Variants in STAM observed in about 807,000 individuals in gnomAD.
STAM encodes signal transducing adapter molecule 1.
A neutral mutation model predicts 63.4 loss-of-function variants in STAM; 16 were observed. The ratio of observed to expected loss-of-function variants is 0.25; its 90% CI spans 0.17 to 0.38. The LOEUF is 0.38. STAM is among the 10% of genes least tolerant of loss of function. The pLI, the probability that STAM is intolerant of heterozygous loss-of-function variation, is 1.00. For missense variants in STAM, 636 were observed against 657.1 expected (o/e 0.97, Z 0.35); for synonymous variants, 238 against 223.9 (o/e 1.06, Z -0.56).
In STAM at chr10:17,683,389, C is replaced by G. The variant is rs80183407; in HGVS notation, c.126-1286C>G. Among the ~76,000 whole-genome samples, 774 of 152,156 alleles carry G rather than the reference C, an allele frequency of 5.1e-3. 6 individuals carry two copies. Among genetic ancestry groups the G allele is most frequent in the African/African-American group, 0.018 (727 of 41,506 alleles). On this transcript the variant is annotated intron_variant, in intron 2 of 13. Transcript: ENST00000377524. ...GTTGCCCAGGCTGGTCCCAAACTTCCGGACTCAAGCCATCTGCCCACCTCG... is the reference window on the plus strand; with the variant it reads ...GTTGCCCAGGCTGGTCCCAAACTTCGGGACTCAAGCCATCTGCCCACCTCG...
intron 1 of STAM, among the ~76,000 whole-genome samples, chr10:17,652,587 G>A (rs1564527134): frequency 6.6e-6 from 1 of 151,954 alleles, no homozygotes; most frequent in Non-Finnish European, 1.5e-5. Flanking sequence ...GTTTTAATAT[G>A]CTTAGCTATT....
chr10:17,679,591 T>A (rs1306787868), intron 2 of STAM, among the ~76,000 whole-genome samples: 2 of 150,998 alleles, frequency 1.3e-5, no homozygotes, highest in African/African-American at 2.4e-5. Context: ...TTTTTTTTTT[T>A]AAATGAAGTG....
chr10:17,714,577 C>T lies in STAM; in HGVS notation c.1420C>T (p.Pro474Ser). The change falls in exon 14 of 14, where the codon CCC becomes TCC. Residue 474 changes from proline to serine, a missense_variant. This residue lies in a region of STAM where 532 missense variants were observed against 536.9 expected (regional missense o/e 0.99). Coordinates refer to ENST00000377524, the MANE Select transcript of STAM (RefSeq NM_003473.4). ...MVSSVQGNTY[P>S]SQAPVYSPPP... ...CAGTTCCGTTCAAGGAAACACATATCCCAGCCAGGCGCCAGTATATAGTCC... is the reference window on the plus strand; with the variant it reads ...CAGTTCCGTTCAAGGAAACACATATTCCAGCCAGGCGCCAGTATATAGTCC... 6.2e-7 allele frequency: 1 copy of T among 1,614,174 alleles called. No individual in the cohort carries two copies. The highest frequency in any genetic ancestry group is 8.5e-7 in the Non-Finnish European group (1 of 1,180,046).
At chr10:17,701,230 T>C (rs1334627063) in intron 9 of STAM, among the ~76,000 whole-genome samples, 1 of 152,114 alleles carries the variant, frequency 6.6e-6, no homozygotes, top group Non-Finnish European at 1.5e-5. Context: ...AAAGAAAAGA[T>C]TAAAACTGGC....
chr10:17,708,634 C>A, intron 12 of STAM, 142 bp from the exon 13 acceptor site: 2 of 817,080 alleles, frequency 2.4e-6, no homozygotes, highest in Non-Finnish European at 3.5e-6. Context: ...TTTCAAAATG[C>A]CCGTTGACAG....
intron 2 of STAM, among the ~76,000 whole-genome samples, chr10:17,681,852 A>C (rs1835099941): frequency 6.6e-6 from 1 of 152,188 alleles, no homozygotes; most frequent in Non-Finnish European, 1.5e-5. Flanking sequence ...ACACTGAATG[A>C]GTCCTTTGCT....
intron 6 of STAM, among the ~76,000 whole-genome samples, chr10:17,694,127 A>G (rs1835658824): frequency 6.6e-6 from 1 of 152,164 alleles, no homozygotes; most frequent in African/African-American, 2.4e-5. Context: ...AATGATATGT[A>G]CAAGTCTTTA....
At position 17,704,432 on chromosome 10, in the gene STAM, AT is replaced by A. The variant is rs782201817; in HGVS notation, c.915del (p.Asp305GlufsTer58). 6.2e-7 allele frequency: 1 copy of A among 1,613,778 alleles called. No homozygotes were observed. Among genetic ancestry groups the A allele is most frequent in the Non-Finnish European group, 8.5e-7 (1 of 1,179,754 alleles). The stretch of plus-strand genomic sequence containing the variant: ...ATATTAACTACTTAATTCCTGTAGG[AT>A]AAAATGGACCAGTTGCTACAGATGC... ...PEPEPAFIDE[D>X]KMDQLLQMLQ... On this transcript the variant is annotated frameshift_variant and splice_region_variant, in exon 10 of 14. Transcript: ENST00000377524. LOFTEE classifies it high-confidence loss of function.
At chr10:17,673,917 T>G (rs1554824365) in intron 2 of STAM, among the ~76,000 whole-genome samples, 2 of 152,206 alleles carry the variant, frequency 1.3e-5, no homozygotes, top group African/African-American at 4.8e-5. Flanking sequence ...TGTGGGGAGC[T>G]GTCAAGGGCC....
chr10:17,665,198 G>GA (rs756716913), intron 2 of STAM, among the ~76,000 whole-genome samples: 12 of 151,732 alleles, frequency 7.9e-5, no homozygotes, highest in Admixed American at 7.9e-4. Context: ...TCTTAAAAAG[G>GA]AAAAAACCAG....
At chr10:17,684,308 G>A (rs1835207095) in intron 2 of STAM, among the ~76,000 whole-genome samples, 1 of 152,174 alleles carries the variant, frequency 6.6e-6, no homozygotes, top group South Asian at 2.1e-4. Flanking sequence ...TAACCTCAGT[G>A]TGGAAAATCT....
At chr10:17,695,785 G>GT (rs757835164) in intron 7 of STAM, 4 of 152,168 alleles carry the variant, frequency 2.6e-5, no homozygotes, top group Non-Finnish European at 4.4e-5. Context: ...ATTTGCAGGT[G>GT]TTTTTTAAAA....
chr10:17,645,169 G>C (rs937641182), intron 1 of STAM, among the ~76,000 whole-genome samples: 4 of 151,984 alleles, frequency 2.6e-5, no homozygotes, highest in Non-Finnish European at 5.9e-5. Context: ...TAATAATTAT[G>C]GGAATTTGAG....
At chr10:17,696,366 A>G (rs1423542952) in intron 7 of STAM, among the ~76,000 whole-genome samples, 1 of 149,344 alleles carries the variant, frequency 6.7e-6, no homozygotes, top group Non-Finnish European at 1.5e-5. Flanking sequence ...CTGTTGGGAG[A>G]AAAAAAAAAC....
Position 17,682,381 on chromosome 10 carries a change from T to C in STAM, c.126-2294T>C, listed in dbSNP as rs1835124459. Among the ~76,000 whole-genome samples the C allele has an allele frequency of 2.0e-5, 3 of 152,330 alleles. No homozygotes were observed. The South Asian group carries it at 6.2e-4, about 32-fold the overall frequency. Reference sequence around the variant, plus strand: ...TTATCCATTCATCTGTTGATGGGCATTTGGATTGTATCCAGGTTTTGACTC... The same window carrying C: ...TTATCCATTCATCTGTTGATGGGCACTTGGATTGTATCCAGGTTTTGACTC... On this transcript the variant is annotated intron_variant, in intron 2 of 13. Coordinates refer to ENST00000377524, the MANE Select transcript of STAM (RefSeq NM_003473.4).
chr10:17,687,875 G>C (rs1351968277), intron 4 of STAM, 152 bp from the exon 5 acceptor site: 2 of 531,194 alleles, frequency 3.8e-6, no homozygotes, highest in Non-Finnish European at 5.8e-6. Context: ...GTGAACATTA[G>C]TTTTATTTCG....
chr10:17,647,526 T>G (rs182234773), intron 1 of STAM, among the ~76,000 whole-genome samples: 3 of 152,138 alleles, frequency 2.0e-5, no homozygotes, highest in Non-Finnish European at 4.4e-5. Context: ...CCTTAGAGTA[T>G]TAGGAAGCAA....
rs370616007 is a variant in STAM at position 17,649,313 on chromosome 10, A to G, written c.40+4934A>G. Among the ~76,000 whole-genome samples, 4 of 150,788 alleles carry G rather than the reference A, an allele frequency of 2.7e-5. No homozygotes were observed. In the East Asian group the frequency reaches 5.9e-4, roughly 22 times the overall value. On this transcript the variant is annotated intron_variant, in intron 1 of 13. Coordinates refer to ENST00000377524, the MANE Select transcript of STAM (RefSeq NM_003473.4). The stretch of plus-strand genomic sequence containing the variant: ...TTACTCGGGATGCTGAATCCAGAGG[A>G]TTGGTTGAGCCTGGGAGGTCAAGGC...
intron 12 of STAM, among the ~76,000 whole-genome samples, chr10:17,707,857 A>G (rs1836364452): frequency 1.3e-5 from 2 of 151,934 alleles, no homozygotes; most frequent in Non-Finnish European, 2.9e-5. Flanking sequence ...ATACAGAAGT[A>G]GACAAATCCA....
Sources: gnomAD v4.1 joint callset for allele counts (sites outside exome capture counted in the v4.1 genomes callset) on GRCh38, gnomAD v4.1.1 for gene constraint, gnomAD v4.1.1 regional missense constraint, MANE v1.5 for transcripts, NCBI Gene and HGNC (gene_info 2026-07-23, HGNC 2026-07-21) for gene names.